FRMD4A: variants seen among roughly 807,000 people sequenced by gnomAD.
FRMD4A encodes FERM domain-containing protein 4A.
Under a neutral mutation model 129.1 loss-of-function variants are expected in FRMD4A, and 29 were observed. The ratio of observed to expected loss-of-function variants is 0.22; its 90% CI spans 0.17 to 0.31. FRMD4A has a LOEUF of 0.31. Ranked by LOEUF, FRMD4A falls within the 10% of genes least tolerant of loss-of-function variation. FRMD4A has a pLI of 1.00. For synonymous variants in FRMD4A, 634 were observed against 571.6 expected, an observed-to-expected ratio of 1.11 and a Z score of -1.56; for missense variants, 1,272 against 1,375.8, an observed-to-expected ratio of 0.92 and a Z score of 1.19.
intron 2 of FRMD4A, among the ~76,000 whole-genome samples, chr10:14,147,223 G>A (rs1237221787): frequency 6.6e-6 from 1 of 152,176 alleles, no homozygotes; most frequent in Admixed American, 6.5e-5. Context: ...CTAAAGGTCA[G>A]GGAGGGGGTC....
rs150731296 is a variant in FRMD4A, at chr10:13,995,907, G to A, written c.46-136995C>T. ...GCTGGGGCTCAGCAGGGGAGGAAGC[G>A]CCCTCTCCTCGTCCTCCCTTTAAGG... On this transcript the variant is annotated intron_variant, in intron 2 of 24. Transcript: ENST00000357447. Among the ~76,000 whole-genome samples, 30 of 151,580 alleles carry A rather than the reference G, an allele frequency of 2.0e-4. No individual in the cohort carries two copies. In the East Asian group the frequency reaches 5.0e-3, roughly 25 times the overall value.
chr10:14,234,895 A>T (rs572574641), intron 2 of FRMD4A, among the ~76,000 whole-genome samples: 86 of 152,358 alleles, frequency 5.6e-4, no homozygotes, highest in Non-Finnish European at 1.1e-3. Context: ...TGCAGGATCC[A>T]CGAATTACAG....
chr10:14,317,886 G>C (rs539908741), intron 2 of FRMD4A, among the ~76,000 whole-genome samples: 2 of 152,004 alleles, frequency 1.3e-5, no homozygotes, highest in Non-Finnish European at 1.5e-5. Flanking sequence ...TCTAGATACA[G>C]AGTCTGAGTT....
chr10:13,837,534 C>G (rs756988074), intron 3 of FRMD4A, among the ~76,000 whole-genome samples: 1 of 152,204 alleles, frequency 6.6e-6, no homozygotes, highest in African/African-American at 2.4e-5. Flanking sequence ...CAAAAGATCA[C>G]GGGGTCACAT....
At position 14,007,942 on chromosome 10, in the gene FRMD4A, C is replaced by T. The variant is rs1209911478; in HGVS notation, c.46-149030G>A. ...CAGATGAGATAGTATTCTACAGTCC[C>T]AGGAACTCCAACTGTTCAGGAAACG... On this transcript the variant is annotated intron_variant, in intron 2 of 24. Transcript: ENST00000357447. 2.5e-6 allele frequency: 3 copies of T among 1,198,802 alleles called. No homozygotes were observed. In the African/African-American group the frequency reaches 4.7e-5, roughly 19 times the overall value. 74.3% of individuals were successfully genotyped at this position (1,198,802 alleles called of 1,614,324 possible).
At chr10:14,061,995 G>A (rs1834837169) in intron 2 of FRMD4A, among the ~76,000 whole-genome samples, 1 of 150,810 alleles carries the variant, frequency 6.6e-6, no homozygotes, top group Admixed American at 6.6e-5. Flanking sequence ...AAGGAATTCT[G>A]ACAAAATAAA....
At chr10:13,833,881 G>T (rs1439135757) in intron 3 of FRMD4A, among the ~76,000 whole-genome samples, 1 of 152,126 alleles carries the variant, frequency 6.6e-6, no homozygotes, top group East Asian at 1.9e-4. Flanking sequence ...CAGAGGCAGG[G>T]TCTGGGCGCT....
At chr10:13,943,675 A>AAAAAAAAAAAAAAAAG (rs2095310696) in intron 2 of FRMD4A, among the ~76,000 whole-genome samples, 1 of 123,700 alleles carries the variant, frequency 8.1e-6, no homozygotes, top group African/African-American at 2.8e-5. Context: ...AAAAAAAAAA[A>AAAAAAAAAAAAAAAAG]AAAAGAAAAA....
At chr10:13,678,434 T>G (rs985610121) in intron 15 of FRMD4A, among the ~76,000 whole-genome samples, 2 of 152,238 alleles carry the variant, frequency 1.3e-5, no homozygotes, top group Non-Finnish European at 2.9e-5. Context: ...AAAACAGATC[T>G]GAGTTTGATA....
intron 2 of FRMD4A, chr10:14,074,279 GCCCAC>G (rs1835458261): frequency 6.6e-6 from 1 of 152,218 alleles, no homozygotes; most frequent in Non-Finnish European, 1.5e-5. Context: ...CCAAGGTTGT[GCCCAC>G]TCGGCACGAC....
At chr10:13,853,437 C>T (rs2094166717) in intron 3 of FRMD4A, among the ~76,000 whole-genome samples, 1 of 152,076 alleles carries the variant, frequency 6.6e-6, no homozygotes, top group Admixed American at 6.5e-5. Flanking sequence ...ACTGGAGAGG[C>T]TGAGATGGGA....
chr10:13,671,529 T>C (rs1328984489), intron 16 of FRMD4A, among the ~76,000 whole-genome samples: 2 of 152,168 alleles, frequency 1.3e-5, no homozygotes, highest in African/African-American at 4.8e-5. Context: ...AAAACACTTG[T>C]TTTGTGTATT....
intron 2 of FRMD4A, among the ~76,000 whole-genome samples, chr10:14,062,109 T>C (rs957343114): frequency 2.0e-5 from 3 of 152,244 alleles, no homozygotes; most frequent in Admixed American, 1.3e-4. Context: ...TATAACATGC[T>C]ATTTATAGTA....
At chr10:14,019,774 A>C (rs73591229) in intron 2 of FRMD4A, among the ~76,000 whole-genome samples, 2,303 of 152,350 alleles carry the variant, frequency 0.015, 62 homozygotes, top group African/African-American at 0.053. Context: ...CAGTAGCAGA[A>C]GTAGGGCTGT....
At position 14,135,340 on chromosome 10, in the gene FRMD4A, G is replaced by A. The variant is rs563628481; in HGVS notation, c.45+194718C>T. On this transcript the variant is annotated intron_variant, in intron 2 of 24. Transcript: ENST00000357447. ...CCCAGCAGCCCTACTTCAACCACTCGTTGACTGCTAAGTGTCCAAACTGTG... is the reference window on the plus strand; with the variant it reads ...CCCAGCAGCCCTACTTCAACCACTCATTGACTGCTAAGTGTCCAAACTGTG... 3.1e-4 allele frequency among the ~76,000 whole-genome samples: 47 copies of A among 152,272 alleles called. No individual in the cohort carries two copies. In the South Asian group the frequency reaches 9.1e-3, roughly 30 times the overall value.
chr10:14,124,077 T>C (rs890532681), intron 2 of FRMD4A, among the ~76,000 whole-genome samples: 3 of 152,176 alleles, frequency 2.0e-5, no homozygotes, highest in African/African-American at 4.8e-5. Flanking sequence ...ACCTGTGCAA[T>C]GCTGGTACAA....
At chr10:14,160,494 G>T (rs1369231182) in intron 2 of FRMD4A, among the ~76,000 whole-genome samples, 3 of 152,178 alleles carry the variant, frequency 2.0e-5, no homozygotes, top group Non-Finnish European at 4.4e-5. Context: ...CAACAGAGTG[G>T]AGAGACACCT....
intron 2 of FRMD4A, among the ~76,000 whole-genome samples, chr10:14,081,274 A>G (rs1033846280): frequency 6.6e-6 from 1 of 152,188 alleles, no homozygotes; most frequent in Non-Finnish European, 1.5e-5. Context: ...ATTAGACCAC[A>G]AGACAGGTGT....
At chr10:13,924,861 G>A (rs972356178) in intron 2 of FRMD4A, among the ~76,000 whole-genome samples, 6 of 151,784 alleles carry the variant, frequency 4.0e-5, no homozygotes, top group Non-Finnish European at 5.9e-5. Flanking sequence ...TCAGGAGTTC[G>A]AGACCAGCCT....
Sources: gnomAD v4.1 joint callset for allele counts (sites outside exome capture counted in the v4.1 genomes callset) on GRCh38, gnomAD v4.1.1 for gene constraint, MANE v1.5 for transcripts, NCBI Gene and HGNC (gene_info 2026-07-23, HGNC 2026-07-21) for gene names.